Variants in MGMT observed in about 807,000 individuals in gnomAD.
MGMT encodes methylated-DNA--protein-cysteine methyltransferase.
MGMT carries 14 observed loss-of-function variants against 15.9 expected under a neutral mutation model. That is an observed-to-expected ratio of 0.88 (90% CI 0.58 to 1.37). MGMT has a LOEUF of 1.37. Among genes scored for constraint, MGMT ranks in the 40% most tolerant of loss-of-function variants. The pLI, the probability that MGMT is intolerant of heterozygous loss-of-function variation, is 0.00. For synonymous variants in MGMT, 130 were observed against 118.2 expected (o/e 1.10, Z -0.65); for missense variants, 282 against 268.1 (o/e 1.05, Z -0.36).
At position 129,533,923 on chromosome 10, in the gene MGMT, T is replaced by G. The variant is rs1247683760; in HGVS notation, c.-12-2318T>G. Among the ~76,000 whole-genome samples the G allele has an allele frequency of 6.6e-6, 1 of 151,964 alleles. No individual in the cohort carries two copies. Among genetic ancestry groups the G allele is most frequent in the African/African-American group, 2.4e-5 (1 of 41,372 alleles). ...GGGATGGTGATGATTTGAATGAGAC[T>G]TGGGGGAGTTGGGGCAGCGTACTCC... On this transcript the variant is annotated intron_variant, in intron 1 of 4. Transcript: ENST00000651593. This position sits in a 1 kb window ranked among gnomAD's most constrained non-coding sequence, Gnocchi z 4.5.
At chr10:129,549,344 G>A (rs117071856) in intron 2 of MGMT, among the ~76,000 whole-genome samples, 4,999 of 152,290 alleles carry the variant, frequency 0.033, 131 homozygotes, top group South Asian at 0.063. Flanking sequence ...CTGCAGATCC[G>A]TGTGCTTAGA....
chr10:129,749,587 C>T (rs1340861706), intron 3 of MGMT, among the ~76,000 whole-genome samples: 1 of 152,174 alleles, frequency 6.6e-6, no homozygotes, highest in Non-Finnish European at 1.5e-5. Context: ...TAAACATTCA[C>T]AGGCAGGTTT....
At chr10:129,547,562 G>C (rs536087745) in intron 2 of MGMT, among the ~76,000 whole-genome samples, 16 of 152,026 alleles carry the variant, frequency 1.1e-4, no homozygotes, top group Non-Finnish European at 2.4e-4. Context: ...AGCTCATAGT[G>C]TGTGCTGGGG....
At chr10:129,577,179 A>G (rs1348272817) in intron 2 of MGMT, among the ~76,000 whole-genome samples, 291 of 152,346 alleles carry the variant, frequency 1.9e-3, no homozygotes, top group Non-Finnish European at 2.4e-3. Context: ...GAATTGGAAA[A>G]AGCTACTTTA....
At chr10:129,737,826 G>A (rs574299547) in intron 3 of MGMT, among the ~76,000 whole-genome samples, 132 of 152,338 alleles carry the variant, frequency 8.7e-4, no homozygotes, top group African/African-American at 3.1e-3. Context: ...TGAGGTGTCA[G>A]TCTGGCCCTG....
intron 2 of MGMT, among the ~76,000 whole-genome samples, chr10:129,547,028 C>G (rs946602138): frequency 1.3e-5 from 2 of 152,126 alleles, no homozygotes; most frequent in Non-Finnish European, 2.9e-5. Context: ...TTGGGGTGGA[C>G]AGGAGGGAGA....
intron 2 of MGMT, among the ~76,000 whole-genome samples, chr10:129,567,702 A>G (rs1846372663): frequency 6.6e-6 from 1 of 152,218 alleles, no homozygotes; most frequent in Admixed American, 6.5e-5. Flanking sequence ...ATGGTAGGTT[A>G]TTTTGTGTTC....
chr10:129,718,224 T>G (rs1848322239), intron 3 of MGMT, among the ~76,000 whole-genome samples: 1 of 152,238 alleles, frequency 6.6e-6, no homozygotes. Context: ...CTTCATCTGC[T>G]GAATGTGCAC....
At chr10:129,741,502 A>G (rs1425725634) in intron 3 of MGMT, among the ~76,000 whole-genome samples, 1 of 152,202 alleles carries the variant, frequency 6.6e-6, no homozygotes, top group African/African-American at 2.4e-5. Flanking sequence ...CCTCGCACCA[A>G]GAACCTGACC....
At chr10:129,638,429 CAAAAAAAAAAAAAAAA>C (rs1847287400) in intron 2 of MGMT, among the ~76,000 whole-genome samples, 1 of 61,756 alleles carries the variant, frequency 1.6e-5, no homozygotes, top group African/African-American at 5.2e-5. Flanking sequence ...ACCAAAGAGG[CAAAAAAAAAAAAAAAA>C]GAAAAAAAAA....
At chr10:129,676,146 C>T (rs938754015) in intron 2 of MGMT, among the ~76,000 whole-genome samples, 2 of 152,338 alleles carry the variant, frequency 1.3e-5, no homozygotes, top group Middle Eastern at 3.4e-3. Flanking sequence ...AGCCACCATC[C>T]TGTGCGTGAA....
intron 2 of MGMT, among the ~76,000 whole-genome samples, chr10:129,565,973 C>T (rs77900915): frequency 0.06 from 9,131 of 152,174 alleles, 410 homozygotes; most frequent in Non-Finnish European, 0.089. Context: ...TGATTCCTGC[C>T]GGGGCCCCAG....
At chr10:129,765,227 G>T (rs1024369249) in intron 4 of MGMT, among the ~76,000 whole-genome samples, 1 of 152,164 alleles carries the variant, frequency 6.6e-6, no homozygotes, top group Admixed American at 6.5e-5. Flanking sequence ...TAGGGATGAA[G>T]GCTGTTGCCT....
At chr10:129,642,791 G>C (rs12762024) in intron 2 of MGMT, among the ~76,000 whole-genome samples, 67,675 of 151,942 alleles carry the variant, frequency 0.45, 15,250 homozygotes, top group Admixed American at 0.47. Flanking sequence ...AAGGGGCCGG[G>C]TATTGTGGCT....
At chr10:129,521,156 C>T (rs939945819) in intron 1 of MGMT, among the ~76,000 whole-genome samples, 4 of 152,162 alleles carry the variant, frequency 2.6e-5, no homozygotes, top group African/African-American at 7.2e-5. Flanking sequence ...GTGTCTGGGC[C>T]TCTCAGAGCT....
At chr10:129,589,406 C>G (rs921387420) in intron 2 of MGMT, among the ~76,000 whole-genome samples, 1 of 152,250 alleles carries the variant, frequency 6.6e-6, no homozygotes, top group Non-Finnish European at 1.5e-5. Flanking sequence ...GTGCTACTCA[C>G]CTCTGACCTC....
intron 2 of MGMT, among the ~76,000 whole-genome samples, chr10:129,561,910 C>T (rs1385857720): frequency 1.3e-5 from 2 of 152,178 alleles, no homozygotes; most frequent in Admixed American, 6.5e-5. Context: ...TCATTAGCCA[C>T]GTCGTTGACT....
intron 2 of MGMT, among the ~76,000 whole-genome samples, chr10:129,585,707 T>C (rs1421323383): frequency 6.6e-6 from 1 of 152,228 alleles, no homozygotes; most frequent in Non-Finnish European, 1.5e-5. Flanking sequence ...TTTCCGAATA[T>C]TTTTGATCTG....
At chr10:129,630,213 G>A (rs376120376) in intron 2 of MGMT, among the ~76,000 whole-genome samples, 68 of 152,324 alleles carry the variant, frequency 4.5e-4, no homozygotes, top group African/African-American at 9.4e-4. Flanking sequence ...ACAGGTACCC[G>A]GTGCTGGTGT....
Sources: gnomAD v4.1 joint callset for allele counts (sites outside exome capture counted in the v4.1 genomes callset) on GRCh38, gnomAD v4.1.1 for gene constraint, Gnocchi (gnomAD v3.1) non-coding constraint, MANE v1.5 for transcripts, NCBI Gene and HGNC (gene_info 2026-07-23, HGNC 2026-07-21) for gene names.